The following GUCY1A2 variants were observed in gnomAD, a reference collection of about 807,000 sequenced individuals.
The protein encoded by GUCY1A2 is guanylate cyclase soluble subunit alpha-2.
GUCY1A2 carries 27 observed loss-of-function variants against 63.5 expected under a neutral mutation model. The ratio of observed to expected loss-of-function variants is 0.43; its 90% CI spans 0.31 to 0.59. The LOEUF (loss-of-function observed/expected upper bound fraction) is 0.59, where lower values mean the gene tolerates loss of function less well. GUCY1A2 is among the 20% of genes least tolerant of loss of function. The probability of loss-of-function intolerance (pLI) is 0.11; values close to 1 mark genes in which losing one functional copy is unlikely to be tolerated. For missense variants in GUCY1A2, 768 were observed against 913.3 expected (o/e 0.84, Z 2.05); for synonymous variants, 364 against 343.5 (o/e 1.06, Z -0.66).
At chr11:106,842,532 GTTC>G (rs1409945535) in intron 4 of GUCY1A2, among the ~76,000 whole-genome samples, 2 of 151,950 alleles carry the variant, frequency 1.3e-5, no homozygotes, top group Non-Finnish European at 2.9e-5. Flanking sequence ...ACTATTTCTT[GTTC>G]TTCTTGCACA....
intron 3 of GUCY1A2, among the ~76,000 whole-genome samples, chr11:106,947,572 T>G (rs1860847604): frequency 6.6e-6 from 1 of 152,016 alleles, no homozygotes. Context: ...ATGTATTATA[T>G]GTATGTAAAA....
At chr11:106,766,256 G>C (rs1353056333) in intron 6 of GUCY1A2, among the ~76,000 whole-genome samples, 2 of 152,072 alleles carry the variant, frequency 1.3e-5, no homozygotes, top group East Asian at 3.9e-4. Flanking sequence ...CAAAACCAAA[G>C]TGAGTTAATA....
chr11:106,817,613 G>T (rs1858848721), intron 4 of GUCY1A2, among the ~76,000 whole-genome samples: 1 of 151,964 alleles, frequency 6.6e-6, no homozygotes, highest in African/African-American at 2.4e-5. Context: ...TCTTACAAGG[G>T]TTTTAGTATC....
At chr11:106,873,275 G>T (rs1039658320) in intron 4 of GUCY1A2, among the ~76,000 whole-genome samples, 4 of 152,066 alleles carry the variant, frequency 2.6e-5, no homozygotes, top group African/African-American at 7.2e-5. Context: ...ATTCCTTTGG[G>T]TATATACCCA....
intron 4 of GUCY1A2, among the ~76,000 whole-genome samples, chr11:106,875,239 G>T (rs1859733887): frequency 6.6e-6 from 1 of 152,078 alleles, no homozygotes; most frequent in Non-Finnish European, 1.5e-5. Flanking sequence ...CTTCTGCCAA[G>T]ATACAAAGTC....
At chr11:106,966,118 G>GT (rs1297297541) in intron 3 of GUCY1A2, among the ~76,000 whole-genome samples, 3 of 150,864 alleles carry the variant, frequency 2.0e-5, no homozygotes, top group South Asian at 2.1e-4. Flanking sequence ...TTTCTTTTTT[G>GT]TTTTTTTGAG....
intron 4 of GUCY1A2, among the ~76,000 whole-genome samples, chr11:106,904,902 C>T (rs1274667364): frequency 6.6e-6 from 1 of 151,900 alleles, no homozygotes; most frequent in African/African-American, 2.4e-5. Flanking sequence ...CTTGAAATGA[C>T]TCCTGCTCTG....
At chr11:106,845,956 G>T (rs1174471324) in intron 4 of GUCY1A2, among the ~76,000 whole-genome samples, 1 of 151,498 alleles carries the variant, frequency 6.6e-6, no homozygotes, top group Admixed American at 6.6e-5. Flanking sequence ...ACAAAGAATA[G>T]GATAAACTAC....
intron 4 of GUCY1A2, among the ~76,000 whole-genome samples, chr11:106,865,982 G>A (rs922479020): frequency 7.3e-5 from 11 of 151,660 alleles, no homozygotes; most frequent in Non-Finnish European, 1.3e-4. Context: ...CTTTCTCTTT[G>A]GTTTACTCCA....
rs188250644 is a variant in GUCY1A2 at position 106,675,174 on chromosome 11, A to G, written c.*12375T>C. On this transcript the variant is annotated 3_prime_UTR_variant, in exon 8 of 8. Transcript: ENST00000526355. ...ACTTAATCAGTATTTTAAAAGCATA[A>G]TGAGACAGTTTTGTCACTTAATTAC... The G allele has an allele frequency of 3.3e-5, 7 of 210,118 alleles. No homozygotes were observed. Among genetic ancestry groups the G allele is most frequent in the Admixed American group, 2.3e-4 (4 of 17,026 alleles). 13.0% of individuals were successfully genotyped at this position (210,118 alleles called of 1,614,324 possible).
intron 6 of GUCY1A2, among the ~76,000 whole-genome samples, chr11:106,710,448 G>A (rs1465150716): frequency 1.4e-5 from 2 of 140,530 alleles, no homozygotes; most frequent in Admixed American, 7.6e-5. Context: ...CTGAATATTC[G>A]ACATTTAGTA....
intron 4 of GUCY1A2, among the ~76,000 whole-genome samples, chr11:106,897,243 T>C (rs1860063122): frequency 6.6e-6 from 1 of 152,116 alleles, no homozygotes; most frequent in South Asian, 2.1e-4. Flanking sequence ...AATAGAAAGA[T>C]ACAATATTAT....
intron 6 of GUCY1A2, among the ~76,000 whole-genome samples, chr11:106,750,990 G>A (rs1863873220): frequency 6.6e-6 from 1 of 151,988 alleles, no homozygotes; most frequent in African/African-American, 2.4e-5. Flanking sequence ...TCATATGAGT[G>A]CTTCTGAAAT....
At chr11:106,876,771 C>T (rs190131713) in intron 4 of GUCY1A2, among the ~76,000 whole-genome samples, 25 of 152,124 alleles carry the variant, frequency 1.6e-4, no homozygotes, top group Middle Eastern at 3.4e-3. Context: ...TTTTATTATT[C>T]GGCTATACAC....
At chr11:106,786,104 A>G (rs1365087111) in intron 5 of GUCY1A2, among the ~76,000 whole-genome samples, 1 of 152,222 alleles carries the variant, frequency 6.6e-6, no homozygotes, top group Non-Finnish European at 1.5e-5. Flanking sequence ...CACAGTAGGC[A>G]TTCAATGATC....
chr11:106,837,004 T>C (rs1859125860), intron 4 of GUCY1A2, among the ~76,000 whole-genome samples: 1 of 151,940 alleles, frequency 6.6e-6, no homozygotes, highest in Admixed American at 6.6e-5. Context: ...TTTTAAACTT[T>C]TATTTTTGGT....
rs368998458 is a variant in GUCY1A2 at position 106,939,959 on chromosome 11, A to G, written c.707T>C (p.Met236Thr). The G allele has an allele frequency of 3.5e-5, 57 of 1,613,854 alleles. No homozygotes were observed. The highest frequency in any genetic ancestry group is 4.7e-5 in the Non-Finnish European group (55 of 1,179,868). The change falls in exon 4 of 8, where the codon ATG becomes ACG. Residue 236 changes from methionine (M) to threonine (T), a missense_variant. Met to Thr is a moderately conservative substitution (Grantham distance 81). This residue lies in a region of GUCY1A2 where 496 missense variants were observed against 486.9 expected (regional missense o/e 1.02). Transcript: ENST00000526355. The part of the protein sequence containing the change: ...LCKELPEGTL[M>T]LHYFHPHHIV... ...ATGGTGAGGGTGGAAGTAGTGGAGC[A>G]TGAGAGTACCTTCAGGGAGCTCTTT... is the stretch of plus-strand genomic sequence containing the variant.
intron 4 of GUCY1A2, among the ~76,000 whole-genome samples, chr11:106,934,358 T>C (rs1205596726): frequency 2.0e-5 from 3 of 152,214 alleles, no homozygotes; most frequent in Admixed American, 1.3e-4. Context: ...AAAATATTAT[T>C]ATCTGAACAA....
intron 3 of GUCY1A2, among the ~76,000 whole-genome samples, chr11:106,951,168 T>C (rs1480927676): frequency 6.6e-6 from 1 of 152,230 alleles, no homozygotes; most frequent in African/African-American, 2.4e-5. Context: ...TGGTTCCATA[T>C]CTTTGTTATT....
Sources: gnomAD v4.1 joint callset for allele counts (sites outside exome capture counted in the v4.1 genomes callset) on GRCh38, gnomAD v4.1.1 for gene constraint, gnomAD v4.1.1 regional missense constraint, MANE v1.5 for transcripts, NCBI Gene and HGNC (gene_info 2026-07-23, HGNC 2026-07-21) for gene names.